The following UBE2QL1 variants were observed in gnomAD, a reference collection of about 807,000 sequenced individuals.
UBE2QL1 encodes the protein ubiquitin-conjugating enzyme E2Q-like protein 1.
UBE2QL1 carries 5 observed loss-of-function variants against 12.6 expected under a neutral mutation model. That is an observed-to-expected ratio of 0.40 (90% CI 0.21 to 0.83). UBE2QL1 has a LOEUF of 0.83. Among genes scored for constraint, UBE2QL1 ranks in the 40% least tolerant of loss-of-function variants. UBE2QL1 has a pLI of 0.37. For missense variants in UBE2QL1, 99 were observed against 222.6 expected (o/e 0.44, Z 3.53); for synonymous variants, 96 against 94.5 (o/e 1.02, Z -0.10).
chr5:6,460,590 G>A (rs2126333403), intron 1 of UBE2QL1, among the ~76,000 whole-genome samples: 1 of 152,290 alleles, frequency 6.6e-6, no homozygotes, highest in East Asian at 1.9e-4. Flanking sequence ...ATCATCAAAT[G>A]ATTTTGCACC....
chr5:6,457,757 A>C (rs1337227485), intron 1 of UBE2QL1, among the ~76,000 whole-genome samples: 1 of 152,238 alleles, frequency 6.6e-6, no homozygotes. Flanking sequence ...TGCCAGAGCC[A>C]CCTGGTCCTG....
At chr5:6,463,720 C>T (rs1056550373) in intron 1 of UBE2QL1, among the ~76,000 whole-genome samples, 3 of 150,714 alleles carry the variant, frequency 2.0e-5, no homozygotes, top group Non-Finnish European at 4.4e-5. Flanking sequence ...CTCCGCCTCC[C>T]GGGTTCACGC....
At chr5:6,475,450 T>C (rs1184118207) in intron 1 of UBE2QL1, among the ~76,000 whole-genome samples, 1 of 152,220 alleles carries the variant, frequency 6.6e-6, no homozygotes, top group Non-Finnish European at 1.5e-5. Context: ...GCCGTATCTT[T>C]GTCCCCTATT....
intron 1 of UBE2QL1, among the ~76,000 whole-genome samples, chr5:6,469,914 G>A (rs983636039): frequency 1.3e-5 from 2 of 152,088 alleles, no homozygotes; most frequent in African/African-American, 2.4e-5. Context: ...ATGTTACTCC[G>A]TTGGAATCAG....
At chr5:6,455,231 G>A (rs1311057524) in intron 1 of UBE2QL1, among the ~76,000 whole-genome samples, 2 of 152,164 alleles carry the variant, frequency 1.3e-5, no homozygotes, top group African/African-American at 4.8e-5. Flanking sequence ...GCTGAAGTCT[G>A]AATGAAGGCC....
chr5:6,480,691 C>T (rs964633137), intron 1 of UBE2QL1, among the ~76,000 whole-genome samples: 1 of 152,200 alleles, frequency 6.6e-6, no homozygotes, highest in African/African-American at 2.4e-5. Context: ...AGTGCTGCTT[C>T]TGTTTTGTAA....
rs1734275369 is a variant in UBE2QL1, at chr5:6,477,981, C to T, written c.355-13237C>T. On this transcript the variant is annotated intron_variant, in intron 1 of 1. Transcript: ENST00000399816. ...TACCTGCTTGGCAGGTATTGGGGAT[C>T]TCTAGGGGCATAAATTAAATCTCAC... Among the ~76,000 whole-genome samples the T allele has an allele frequency of 3.3e-5, 5 of 152,140 alleles. No individual in the cohort carries two copies. The South Asian group carries it at 1.0e-3, about 31-fold the overall frequency.
intron 1 of UBE2QL1, among the ~76,000 whole-genome samples, chr5:6,468,308 G>A (rs777931934): frequency 3.9e-5 from 6 of 152,144 alleles, no homozygotes; most frequent in East Asian, 3.9e-4. Context: ...CAGGGAAGCC[G>A]GTCATCCTCC....
chr5:6,482,264 G>C (rs1011575602), intron 1 of UBE2QL1, among the ~76,000 whole-genome samples: 1 of 152,150 alleles, frequency 6.6e-6, no homozygotes, highest in African/African-American at 2.4e-5. Flanking sequence ...CTGGCCACCT[G>C]AACTGTGAGA....
intron 1 of UBE2QL1, among the ~76,000 whole-genome samples, chr5:6,487,315 G>A (rs1734484731): frequency 2.0e-5 from 3 of 152,306 alleles, no homozygotes; most frequent in South Asian, 2.1e-4. Flanking sequence ...CCACCTACTG[G>A]TTTTGTTTGA....
Position 6,495,091 on chromosome 5 carries a change from G to T in UBE2QL1, c.*3742G>T, listed in dbSNP as rs1734643359. ...GGAAGGAGAAGGGCAGGTGTAGCAG[G>T]TGTAGAAATGGGAGGGGCTGAGGGC... On this transcript the variant is annotated 3_prime_UTR_variant, in exon 2 of 2. Coordinates refer to ENST00000399816, the MANE Select transcript of UBE2QL1 (RefSeq NM_001145161.3). 1.3e-5 allele frequency among the ~76,000 whole-genome samples: 2 copies of T among 152,304 alleles called. No individual in the cohort carries two copies. Among genetic ancestry groups the T allele is most frequent in the African/African-American group, 2.4e-5 (1 of 41,564 alleles).
intron 1 of UBE2QL1, 89 bp downstream of exon 1, chr5:6,449,336 C>T (rs1363789585): frequency 2.0e-5 from 24 of 1,206,522 alleles, no homozygotes; most frequent in Non-Finnish European, 1.0e-6. Context: ...TGAGGGCCAG[C>T]GCCGGCCCCT....
chr5:6,486,273 A>T (rs987368583), intron 1 of UBE2QL1, among the ~76,000 whole-genome samples: 1 of 151,986 alleles, frequency 6.6e-6, no homozygotes, highest in Non-Finnish European at 1.5e-5. Flanking sequence ...AGGTCTACTG[A>T]ATTATGCAAC....
chr5:6,449,517 T>C (rs1258799080), intron 1 of UBE2QL1, among the ~76,000 whole-genome samples: 1 of 151,220 alleles, frequency 6.6e-6, no homozygotes, highest in East Asian at 1.9e-4. Flanking sequence ...GTCTCTGCCG[T>C]CTCTCTGGTC....
chr5:6,471,199 G>A (rs1237827452), intron 1 of UBE2QL1, among the ~76,000 whole-genome samples: 5 of 152,192 alleles, frequency 3.3e-5, no homozygotes, highest in Non-Finnish European at 1.5e-5. Context: ...TTTTTGTCAA[G>A]TGGATTCCCA....
intron 1 of UBE2QL1, among the ~76,000 whole-genome samples, chr5:6,451,672 G>A (rs1161142250): frequency 6.6e-6 from 1 of 152,168 alleles, no homozygotes; most frequent in Non-Finnish European, 1.5e-5. Flanking sequence ...AGAGGGTAAT[G>A]TGTGGCATAC....
rs887567859 is a variant in UBE2QL1, at chr5:6,489,250, C to T, written c.355-1968C>T. Among the ~76,000 whole-genome samples the T allele has an allele frequency of 5.3e-5, 8 of 152,086 alleles. No individual in the cohort carries two copies. In the East Asian group the frequency reaches 1.6e-3, roughly 30 times the overall value. ...GACCAGCCTGGGCAATATAGTGAGACCCCATCTCTATAAAAAATAAAAAAT... is the reference window on the plus strand; with the variant it reads ...GACCAGCCTGGGCAATATAGTGAGATCCCATCTCTATAAAAAATAAAAAAT... On this transcript the variant is annotated intron_variant, in intron 1 of 1. Coordinates refer to ENST00000399816, the MANE Select transcript of UBE2QL1 (RefSeq NM_001145161.3).
intron 1 of UBE2QL1, among the ~76,000 whole-genome samples, chr5:6,472,736 C>T (rs561812788): frequency 7.9e-5 from 12 of 152,160 alleles, no homozygotes; most frequent in African/African-American, 2.7e-4. Context: ...TTTTCTTTAT[C>T]TTCTTCTCTT....
At chr5:6,461,246 A>G (rs968326109) in intron 1 of UBE2QL1, among the ~76,000 whole-genome samples, 11 of 152,198 alleles carry the variant, frequency 7.2e-5, no homozygotes, top group Admixed American at 2.6e-4. Context: ...TTAACTGGTC[A>G]GTCAACTGAG....
Sources: allele counts gnomAD v4.1 joint callset (sites outside exome capture counted in the v4.1 genomes callset), GRCh38; gene constraint gnomAD v4.1.1; transcripts MANE v1.5; gene names NCBI Gene and HGNC (gene_info 2026-07-23, HGNC 2026-07-21).